PRDM16: variants seen among roughly 807,000 people sequenced by gnomAD.
The protein encoded by PRDM16 is histone-lysine N-methyltransferase PRDM16.
A neutral mutation model predicts 110.6 loss-of-function variants in PRDM16; 23 were observed. The observed-to-expected ratio is 0.21, with a 90% CI of 0.15 to 0.29. The LOEUF (loss-of-function observed/expected upper bound fraction) is 0.29. Ranked by LOEUF, PRDM16 falls within the 10% of genes least tolerant of loss-of-function variation. The pLI is 1.00. For missense variants in PRDM16, 1,615 were observed against 1,794.3 expected (o/e 0.90, Z 1.81); for synonymous variants, 799 against 781.8 (o/e 1.02, Z -0.37).
intron 1 of PRDM16, among the ~76,000 whole-genome samples, chr1:3,119,454 T>C (rs944415671): frequency 1.4e-4 from 22 of 152,022 alleles, no homozygotes; most frequent in African/African-American, 5.3e-4. Context: ...CTGGGCCAGG[T>C]TGGGGGACAT....
chr1:3,414,428 C>G lies in PRDM16; in HGVS notation c.2604-132C>G, dbSNP rs372369746. On this transcript the variant is annotated intron_variant, in intron 9 of 16. Coordinates refer to ENST00000270722, the MANE Select transcript of PRDM16 (RefSeq NM_022114.4). Reference sequence around the variant, plus strand: ...AGTCTGGTGAGCGTTGGGGCAGCCACGGCGAGGTCCACACCATGGCCTTGT... The same window carrying G: ...AGTCTGGTGAGCGTTGGGGCAGCCAGGGCGAGGTCCACACCATGGCCTTGT... 17 of 674,596 alleles carry G rather than the reference C, an allele frequency of 2.5e-5. No homozygotes were observed. In the East Asian group the frequency reaches 4.7e-4, roughly 18 times the overall value. 41.8% of individuals were successfully genotyped at this position (674,596 alleles called of 1,614,324 possible).
intron 3 of PRDM16, among the ~76,000 whole-genome samples, chr1:3,261,580 A>G (rs1234005056): frequency 6.6e-6 from 1 of 152,172 alleles, no homozygotes; most frequent in East Asian, 1.9e-4. Flanking sequence ...ACAGGCATTG[A>G]ACCCAGGGGG....
chr1:3,224,819 G>A lies in PRDM16; in HGVS notation c.388-19268G>A, dbSNP rs766220096. Among the ~76,000 whole-genome samples the A allele has an allele frequency of 1.6e-4, 24 of 152,248 alleles. 1 individual carries two copies. Among genetic ancestry groups the A allele is most frequent in the Non-Finnish European group, 2.9e-4 (20 of 68,056 alleles). ...GCCACCCTGGTTCCGAGGAGACCCT[G>A]AGCTGCTCCAGGCAAGAGCTCTGGG... On this transcript the variant is annotated intron_variant, in intron 2 of 16. Coordinates refer to ENST00000270722, the MANE Select transcript of PRDM16 (RefSeq NM_022114.4).
intron 1 of PRDM16, among the ~76,000 whole-genome samples, chr1:3,139,516 C>A (rs558084646): frequency 6.6e-6 from 1 of 152,232 alleles, no homozygotes; most frequent in Non-Finnish European, 1.5e-5. Flanking sequence ...CAGACCCAGG[C>A]GCTCAGCCCA....
intron 3 of PRDM16, among the ~76,000 whole-genome samples, chr1:3,301,188 G>C (rs1641199877): frequency 6.6e-6 from 1 of 152,088 alleles, no homozygotes; most frequent in African/African-American, 2.4e-5. Flanking sequence ...AAAATTAGCT[G>C]GATGTGATGG....
intron 1 of PRDM16, among the ~76,000 whole-genome samples, chr1:3,104,187 C>T (rs991812342): frequency 6.6e-6 from 1 of 152,182 alleles, no homozygotes; most frequent in Non-Finnish European, 1.5e-5. Flanking sequence ...ATGCTTGCTC[C>T]CTGCTTCCAG....
intron 3 of PRDM16, among the ~76,000 whole-genome samples, chr1:3,304,878 C>T (rs1321308555): frequency 2.0e-5 from 3 of 152,144 alleles, no homozygotes; most frequent in African/African-American, 7.2e-5. Context: ...GAGGTGGCCT[C>T]CCAGGTGGAC....
chr1:3,151,712 A>G (rs1364416301), intron 1 of PRDM16, among the ~76,000 whole-genome samples: 1 of 152,184 alleles, frequency 6.6e-6, no homozygotes, highest in Non-Finnish European at 1.5e-5. Flanking sequence ...CCGGGCGTGC[A>G]TTAGACAAGA....
intron 1 of PRDM16, among the ~76,000 whole-genome samples, chr1:3,185,378 G>A (rs566187282): frequency 1.6e-4 from 25 of 152,276 alleles, no homozygotes; most frequent in Non-Finnish European, 1.9e-4. Flanking sequence ...AGCCTGTGTC[G>A]AGATCATCAG....
rs74890593 is a variant in PRDM16, at chr1:3,233,205, G to T, written c.388-10882G>T. 8.1e-3 allele frequency among the ~76,000 whole-genome samples: 1,233 copies of T among 152,324 alleles called. 15 individuals carry two copies. The highest frequency in any genetic ancestry group is 0.028 in the African/African-American group (1,176 of 41,574). On this transcript the variant is annotated intron_variant, in intron 2 of 16. Transcript: ENST00000270722. ...CAGCAGCTGCCCCCTGCCCAGGGTG[G>T]GGGTGGCCGGTGGCCGCGCGGTGCC...
At chr1:3,375,665 C>A (rs1489006576) in intron 3 of PRDM16, among the ~76,000 whole-genome samples, 1 of 152,224 alleles carries the variant, frequency 6.6e-6, no homozygotes, top group African/African-American at 2.4e-5. Context: ...CCTCAAGGCC[C>A]GGGCTTGTGT....
chr1:3,144,962 G>T (rs1643618019), intron 1 of PRDM16, among the ~76,000 whole-genome samples: 1 of 152,178 alleles, frequency 6.6e-6, no homozygotes, highest in Admixed American at 6.5e-5. Context: ...AGGAACCCCT[G>T]TGCGGCTTCA....
At chr1:3,100,590 C>T (rs1221989680) in intron 1 of PRDM16, among the ~76,000 whole-genome samples, 1 of 152,174 alleles carries the variant, frequency 6.6e-6, no homozygotes, top group Non-Finnish European at 1.5e-5. Context: ...AGGCACGGCC[C>T]ATGGTCCTCC....
At chr1:3,136,243 C>G (rs941254318) in intron 1 of PRDM16, among the ~76,000 whole-genome samples, 2 of 152,186 alleles carry the variant, frequency 1.3e-5, no homozygotes, top group South Asian at 2.1e-4. Flanking sequence ...TGGAACCTGC[C>G]CAGCCTGCAC....
intron 1 of PRDM16, among the ~76,000 whole-genome samples, chr1:3,110,480 G>A (rs956468996): frequency 7.3e-6 from 1 of 137,302 alleles, no homozygotes; most frequent in South Asian, 2.4e-4. Context: ...CTGGGTGTGG[G>A]GACACAGTGT....
intron 3 of PRDM16, chr1:3,309,281 G>A (rs1307186125): frequency 6.6e-6 from 1 of 152,240 alleles, no homozygotes; most frequent in African/African-American, 2.4e-5. Context: ...GGCTTTCTGG[G>A]AACACTAATG....
Position 3,175,010 on chromosome 1 carries a change from C to T in PRDM16, c.38-11115C>T, listed in dbSNP as rs1166034612. Among the ~76,000 whole-genome samples, 2 of 152,186 alleles carry T rather than the reference C, an allele frequency of 1.3e-5. No individual in the cohort carries two copies. Among genetic ancestry groups the T allele is most frequent in the African/African-American group, 2.4e-5 (1 of 41,446 alleles). The stretch of plus-strand genomic sequence containing the variant: ...GGGGAATGCCAATGAGTCCCAGTGC[C>T]GCAGGGCAGCCGCGGTCCCGGGCTG... On this transcript the variant is annotated intron_variant, in intron 1 of 16. Coordinates refer to ENST00000270722, the MANE Select transcript of PRDM16 (RefSeq NM_022114.4). This position sits in a 1 kb window ranked among gnomAD's most constrained non-coding sequence, Gnocchi z 4.8.
At chr1:3,204,883 G>A (rs1234325135) in intron 2 of PRDM16, among the ~76,000 whole-genome samples, 2 of 152,298 alleles carry the variant, frequency 1.3e-5, no homozygotes, top group Admixed American at 1.3e-4. Context: ...TAATTGGAGA[G>A]TGGGACCCCC....
intron 1 of PRDM16, among the ~76,000 whole-genome samples, chr1:3,176,044 C>CAT (rs1644082110): frequency 1.0e-5 from 1 of 97,116 alleles, no homozygotes; most frequent in Non-Finnish European, 2.0e-5. Flanking sequence ...CCCATCCATC[C>CAT]CCTCATCCAT....
Sources: gnomAD v4.1 joint callset for allele counts (sites outside exome capture counted in the v4.1 genomes callset) on GRCh38, gnomAD v4.1.1 for gene constraint, Gnocchi (gnomAD v3.1) non-coding constraint, MANE v1.5 for transcripts, NCBI Gene and HGNC (gene_info 2026-07-23, HGNC 2026-07-21) for gene names.